Variants in MED21 observed in about 807,000 individuals in gnomAD.
MED21 encodes mediator complex subunit 21, also known as mediator of RNA polymerase II transcription subunit 21.
In MED21, 9 loss-of-function variants were observed where a neutral mutation model predicts 18.2. That is an observed-to-expected ratio of 0.49 (90% CI 0.30 to 0.86). The LOEUF (loss-of-function observed/expected upper bound fraction) is 0.86, where lower values mean the gene tolerates loss of function less well. Ranked by LOEUF, MED21 falls within the 40% of genes least tolerant of loss-of-function variation. MED21 has a pLI of 0.07. For synonymous variants in MED21, 73 were observed against 60.5 expected (o/e 1.21, Z -0.96); for missense variants, 150 against 170.9 (o/e 0.88, Z 0.68).
chr12:27,030,940 C>T (rs1047472433), downstream of MED21, among the ~76,000 whole-genome samples: 3 of 152,204 alleles, frequency 2.0e-5, no homozygotes, highest in African/African-American at 2.4e-5. Context: ...GATGGAGTTT[C>T]ACTCTTGTCC....
intron 1 of MED21, among the ~76,000 whole-genome samples, chr12:27,023,300 CTTTTTTT>C (rs71437317): frequency 9.1e-6 from 1 of 110,402 alleles, no homozygotes; most frequent in Admixed American, 1.1e-4. Flanking sequence ...TTTTTCTTTT[CTTTTTTT>C]TTTTTTTTTT....
At chr12:27,032,991 G>A (rs562237373), downstream of MED21, among the ~76,000 whole-genome samples, 3 of 152,094 alleles carry the variant, frequency 2.0e-5, no homozygotes, top group East Asian at 3.9e-4. Context: ...TCTCCTCCAC[G>A]TTAGTTTTTT....
At position 27,027,379 on chromosome 12, in the gene MED21, C is replaced by T. The variant is rs778236136; in HGVS notation, c.190C>T (p.Arg64Ter). ...CCAGCTTTTTGCAGCACTGATTGCACGAACAGCAAAAGACATTGATGTTTT... is the reference window on the plus strand; with the variant it reads ...CCAGCTTTTTGCAGCACTGATTGCATGAACAGCAAAAGACATTGATGTTTT... ...YAQLFAALIA[R>*]TAKDIDVLID... The change falls in exon 3 of 4, where the codon CGA (arginine) becomes TGA (stop). Residue 64 changes from arginine (R) to a stop codon, truncating the protein, a stop_gained. Coordinates refer to ENST00000282892, the MANE Select transcript of MED21 (RefSeq NM_004264.5). LOFTEE classifies it high-confidence loss of function. 10 of 1,613,564 alleles carry T rather than the reference C, an allele frequency of 6.2e-6. No homozygotes were observed. The highest frequency in any genetic ancestry group is 1.1e-5 in the South Asian group (1 of 91,064).
At chr12:27,031,001 G>A (rs903380398), downstream of MED21, among the ~76,000 whole-genome samples, 1 of 152,136 alleles carries the variant, frequency 6.6e-6, no homozygotes, top group Non-Finnish European at 1.5e-5. Context: ...TCAGCTTCTC[G>A]GGCTTAAGTG....
At chr12:27,024,509 C>T (rs1416014040) in intron 1 of MED21, among the ~76,000 whole-genome samples, 1 of 152,192 alleles carries the variant, frequency 6.6e-6, no homozygotes, top group African/African-American at 2.4e-5. Flanking sequence ...GCCAGCCTTC[C>T]TCAGGGAACT....
At chr12:27,027,516 T>C in intron 3 of MED21, 69 bp downstream of exon 3, 1 of 1,140,696 alleles carries the variant, frequency 8.8e-7, no homozygotes, top group Non-Finnish European at 1.3e-6. Flanking sequence ...GTAGATTTAG[T>C]ACCTTTTGTC....
At chr12:27,032,202 G>A (rs1941624351), downstream of MED21, among the ~76,000 whole-genome samples, 1 of 152,200 alleles carries the variant, frequency 6.6e-6, no homozygotes, top group African/African-American at 2.4e-5. Context: ...AAGGAGGAAT[G>A]AAAAGCTTCG....
In MED21 at chr12:27,030,159, TG is replaced by T; in HGVS notation, c.*1699del. On this transcript the variant is annotated 3_prime_UTR_variant, in exon 4 of 4. Coordinates refer to ENST00000282892, the MANE Select transcript of MED21 (RefSeq NM_004264.5). Reference sequence around the variant, plus strand: ...TGTTCTTGTTTCTGTTTTTTTAAGGTGAAGTCTCTGTCACCCAAGCTGAAGT... The same window carrying T: ...TGTTCTTGTTTCTGTTTTTTTAAGGTAAGTCTCTGTCACCCAAGCTGAAGT... 1 of 657,306 alleles carries T rather than the reference TG, an allele frequency of 1.5e-6. No individual in the cohort carries two copies. Among genetic ancestry groups the T allele is most frequent in the South Asian group, 1.6e-5 (1 of 60,970 alleles). 40.7% of individuals were successfully genotyped at this position (657,306 alleles called of 1,614,324 possible).
chr12:27,026,638 ATTG>A (rs1214957837), intron 2 of MED21, 104 bp downstream of exon 2: 16 of 813,666 alleles, frequency 2.0e-5, no homozygotes, highest in South Asian at 6.3e-5. Flanking sequence ...TTCTAAAATT[ATTG>A]TTGTTTGAGA....
At position 27,030,347 on chromosome 12, in the gene MED21, C is replaced by A. The variant is rs1390359443; in HGVS notation, c.*1886C>A. 4.6e-6 allele frequency: 2 copies of A among 436,800 alleles called. No individual in the cohort carries two copies. The allele number at this position is 436,800 out of a possible 1,614,324, so 27.1% of individuals were successfully genotyped here. A position where few individuals can be genotyped will look rare whatever the true frequency, so the allele number is the denominator to read the frequency against. On this transcript the variant is annotated 3_prime_UTR_variant, in exon 4 of 4. Transcript: ENST00000282892. ...ATGGGGTCTCACTCTGTTGCCCAGG[C>A]TAATGCCAAACTGCTAACCTCAAGA...
chr12:27,027,980 A>G (rs767977500), intron 3 of MED21, among the ~76,000 whole-genome samples: 6 of 152,164 alleles, frequency 3.9e-5, no homozygotes, highest in Non-Finnish European at 8.8e-5. Flanking sequence ...ATTTTCCTCA[A>G]TTTTGTCTCT....
chr12:27,037,715 A>G (rs1941658385), intron 2 of MED21: 1 of 151,746 alleles, frequency 6.6e-6, no homozygotes, highest in African/African-American at 2.4e-5. Flanking sequence ...TTAAAAAAAC[A>G]TATTACAAAT....
intron 2 of MED21, chr12:27,038,478 A>G (rs911519807): frequency 6.6e-6 from 1 of 152,360 alleles, no homozygotes; most frequent in South Asian, 2.1e-4. Flanking sequence ...GTTTTCTTCA[A>G]CTGGTCCATA....
At position 27,027,355 on chromosome 12, in the gene MED21, C is replaced by T. The variant is rs779891726; in HGVS notation, c.166C>T (p.Gln56Ter). 1 of 1,612,084 alleles carries T rather than the reference C, an allele frequency of 6.2e-7. No homozygotes were observed. The highest frequency in any genetic ancestry group is 8.5e-7 in the Non-Finnish European group (1 of 1,178,928). Residue 56 changes from glutamine to a stop codon, truncating the protein, a stop_gained, in exon 3 of 4, where the codon CAG becomes TAG. Transcript: ENST00000282892. LOFTEE classifies it high-confidence loss of function. ...QPANPTEEYA[Q>*]LFAALIARTA... ...GCAGTATCTTTCTCTAGAGTATGCCCAGCTTTTTGCAGCACTGATTGCACG... is the reference window on the plus strand; with the variant it reads ...GCAGTATCTTTCTCTAGAGTATGCCTAGCTTTTTGCAGCACTGATTGCACG...
chr12:27,027,001 T>C (rs1418680676), intron 2 of MED21, among the ~76,000 whole-genome samples: 3 of 152,190 alleles, frequency 2.0e-5, no homozygotes, highest in Non-Finnish European at 4.4e-5. Context: ...CAATCTTGGC[T>C]CACTGCAACT....
chr12:27,025,629 A>T (rs1055813835), intron 1 of MED21, among the ~76,000 whole-genome samples: 1 of 152,206 alleles, frequency 6.6e-6, no homozygotes, highest in African/African-American at 2.4e-5. Context: ...AGATTGGTTG[A>T]CTAGGAGACT....
Position 27,028,518 on chromosome 12 carries a change from T to A in MED21, c.*57T>A. 1 of 1,566,728 alleles carries A rather than the reference T, an allele frequency of 6.4e-7. No homozygotes were observed. Among genetic ancestry groups the A allele is most frequent in the Non-Finnish European group, 8.7e-7 (1 of 1,151,624 alleles). On this transcript the variant is annotated 3_prime_UTR_variant, in exon 4 of 4. Transcript: ENST00000282892. ...ACTGTTTGAGTGCCATTAAGAATTC[T>A]GCATCAGACTTAGATACAAGCCTTA...
chr12:27,025,528 G>T (rs975102667), intron 1 of MED21, among the ~76,000 whole-genome samples: 6 of 152,178 alleles, frequency 3.9e-5, no homozygotes, highest in African/African-American at 1.4e-4. Context: ...GAGATAATTG[G>T]TTGAACTAAG....
chr12:27,029,620 CTA>C lies in MED21; in HGVS notation c.*1161_*1162del, dbSNP rs1386240904. 11 of 985,218 alleles carry C rather than the reference CTA, an allele frequency of 1.1e-5. No homozygotes were observed. Among genetic ancestry groups the C allele is most frequent in the Non-Finnish European group, 1.3e-5 (11 of 829,868 alleles). 61.0% of individuals were successfully genotyped at this position (985,218 alleles called of 1,614,324 possible). A position where few individuals can be genotyped will look rare whatever the true frequency, so the allele number is the denominator to read the frequency against. On this transcript the variant is annotated 3_prime_UTR_variant, in exon 4 of 4. Coordinates refer to ENST00000282892, the MANE Select transcript of MED21 (RefSeq NM_004264.5). ...GCTTTTCCACAGTTCTTGAAAAGTA[CTA>C]TGTTTCAAATTTCAGGAACACCAGC...
Sources: allele counts gnomAD v4.1 joint callset (sites outside exome capture counted in the v4.1 genomes callset), GRCh38; gene constraint gnomAD v4.1.1; transcripts MANE v1.5; gene names NCBI Gene and HGNC (gene_info 2026-07-23, HGNC 2026-07-21).